ANKS1B: variants seen among roughly 807,000 people sequenced by gnomAD.
ANKS1B encodes ankyrin repeat and sterile alpha motif domain-containing protein 1B.
ANKS1B carries 36 observed loss-of-function variants against 148.3 expected under a neutral mutation model. The observed-to-expected ratio is 0.24, with a 90% CI of 0.19 to 0.32. The LOEUF (loss-of-function observed/expected upper bound fraction) is 0.32, where lower values mean the gene tolerates loss of function less well. ANKS1B is among the 10% of genes least tolerant of loss of function. The pLI, the probability that ANKS1B is intolerant of heterozygous loss-of-function variation, is 1.00. For missense variants in ANKS1B, 1,157 were observed against 1,542.6 expected (o/e 0.75, Z 4.19); for synonymous variants, 542 against 560.8 (o/e 0.97, Z 0.47).
chr12:99,925,425 A>G (rs547008445), intron 1 of ANKS1B, among the ~76,000 whole-genome samples: 3 of 152,342 alleles, frequency 2.0e-5, no homozygotes, highest in Admixed American at 2.0e-4. Flanking sequence ...TCCGGGAAGA[A>G]TAAAAAAGTC....
At chr12:99,467,493 CA>C (rs1462546704) in intron 10 of ANKS1B, among the ~76,000 whole-genome samples, 1 of 152,206 alleles carries the variant, frequency 6.6e-6, no homozygotes, top group Non-Finnish European at 1.5e-5. Context: ...AAGAGGAAGT[CA>C]AATTGTCCCT....
In ANKS1B at chr12:99,137,546, A is replaced by T. The variant is rs376662104; in HGVS notation, c.2526+16743T>A. ...TAAACAAACCTATCCATTCTCAGTT[A>T]CACAGAGAGGGCTGTGGAGATCTGA... On this transcript the variant is annotated intron_variant, in intron 15 of 26. Transcript: ENST00000683438. 9.2e-5 allele frequency among the ~76,000 whole-genome samples: 14 copies of T among 152,330 alleles called. No homozygotes were observed. In the South Asian group the frequency reaches 2.7e-3, roughly 29 times the overall value.
At chr12:99,338,415 T>G (rs561478576) in intron 12 of ANKS1B, among the ~76,000 whole-genome samples, 1 of 152,256 alleles carries the variant, frequency 6.6e-6, no homozygotes, top group African/African-American at 2.4e-5. Flanking sequence ...GTCTCTCCTT[T>G]CAGGGCAGTG....
At chr12:98,963,505 A>T (rs1168547014) in intron 17 of ANKS1B, among the ~76,000 whole-genome samples, 2 of 152,160 alleles carry the variant, frequency 1.3e-5, no homozygotes, top group Non-Finnish European at 2.9e-5. Flanking sequence ...AAAAAGATAA[A>T]CAAAATTTTT....
chr12:98,838,168 T>G (rs2099385981), intron 17 of ANKS1B, among the ~76,000 whole-genome samples: 1 of 152,232 alleles, frequency 6.6e-6, no homozygotes, highest in South Asian at 2.1e-4. Flanking sequence ...CACTAAACAT[T>G]TCCCCTATCA....
intron 1 of ANKS1B, among the ~76,000 whole-genome samples, chr12:99,864,345 GC>G (rs2090453393): frequency 1.3e-5 from 2 of 151,952 alleles, no homozygotes; most frequent in South Asian, 4.1e-4. Context: ...AAATCTTTTA[GC>G]CATGAAAATC....
At chr12:99,632,754 TA>T (rs1183242054) in intron 9 of ANKS1B, among the ~76,000 whole-genome samples, 1,366 of 110,770 alleles carry the variant, frequency 0.012, 109 homozygotes, top group African/African-American at 0.019. Context: ...TATATATATA[TA>T]TATATATATA....
chr12:99,875,062 C>A (rs905948136), intron 1 of ANKS1B, among the ~76,000 whole-genome samples: 1 of 152,022 alleles, frequency 6.6e-6, no homozygotes, highest in African/African-American at 2.4e-5. Flanking sequence ...GGGAGAGAGG[C>A]AGATGGAAGA....
chr12:99,757,783 C>G (rs950984391), intron 8 of ANKS1B, among the ~76,000 whole-genome samples: 2 of 151,980 alleles, frequency 1.3e-5, no homozygotes, highest in Admixed American at 6.6e-5. Flanking sequence ...AGATCATGCC[C>G]TTTCCAGGAA....
At chr12:99,963,940 C>T (rs1253243649) in intron 1 of ANKS1B, among the ~76,000 whole-genome samples, 2 of 152,178 alleles carry the variant, frequency 1.3e-5, no homozygotes. Flanking sequence ...CAGTGAATGA[C>T]AGTTAATATC....
chr12:99,100,605 T>A (rs181470942), intron 15 of ANKS1B, among the ~76,000 whole-genome samples: 1 of 152,142 alleles, frequency 6.6e-6, no homozygotes. Flanking sequence ...TCTTGGCTCA[T>A]TGCAACCTCC....
Position 99,900,245 on chromosome 12 carries a change from C to T in ANKS1B, c.135-74856G>A, listed in dbSNP as rs183450984. On this transcript the variant is annotated intron_variant, in intron 1 of 26. Transcript: ENST00000683438. ...CTATATGGCCATGTGCTGTGGCTCA[C>T]GCCTGTAATCCCAGCACTTTGGGAG... 1.9e-4 allele frequency among the ~76,000 whole-genome samples: 29 copies of T among 151,428 alleles called. 1 individual carries two copies. Among genetic ancestry groups the T allele is most frequent in the Middle Eastern group, 6.8e-3 (2 of 292 alleles).
chr12:99,372,651 C>T (rs2093201256), intron 12 of ANKS1B, among the ~76,000 whole-genome samples: 1 of 152,122 alleles, frequency 6.6e-6, no homozygotes. Context: ...TCTTTCCCCA[C>T]TTCCTCCCCT....
At chr12:98,976,202 C>A (rs116553213) in intron 17 of ANKS1B, among the ~76,000 whole-genome samples, 197 of 152,202 alleles carry the variant, frequency 1.3e-3, no homozygotes, top group African/African-American at 4.5e-3. Flanking sequence ...AGCTGAGGAA[C>A]TAATTCCTAA....
intron 1 of ANKS1B, among the ~76,000 whole-genome samples, chr12:99,980,067 A>C (rs2095676914): frequency 6.6e-6 from 1 of 152,008 alleles, no homozygotes; most frequent in Admixed American, 6.6e-5. Flanking sequence ...ACAACATAAA[A>C]CAAATCAGAT....
intron 1 of ANKS1B, among the ~76,000 whole-genome samples, chr12:99,964,617 C>G (rs536802995): frequency 6.6e-6 from 1 of 152,170 alleles, no homozygotes. Context: ...AGAACCCACA[C>G]AGGGTGAAGA....
At position 99,294,417 on chromosome 12, in the gene ANKS1B, C is replaced by A. The variant is rs375627043; in HGVS notation, c.1757-47553G>T. 1.1e-4 allele frequency among the ~76,000 whole-genome samples: 17 copies of A among 152,112 alleles called. No individual in the cohort carries two copies. In the East Asian group the frequency reaches 3.1e-3, roughly 28 times the overall value. ...AGGACATCATGTTAAGTGAAATAAG[C>A]CAGGTACAGAAAGATTAACTTCACA... is the stretch of plus-strand genomic sequence containing the variant. On this transcript the variant is annotated intron_variant, in intron 12 of 26. Transcript: ENST00000683438.
chr12:99,423,619 T>C (rs969605448), intron 11 of ANKS1B, among the ~76,000 whole-genome samples: 1 of 152,016 alleles, frequency 6.6e-6, no homozygotes, highest in Non-Finnish European at 1.5e-5. Context: ...ATTTAAAAAG[T>C]GTGGTACATA....
chr12:99,308,658 T>G (rs1402707331), intron 12 of ANKS1B, among the ~76,000 whole-genome samples: 1 of 151,876 alleles, frequency 6.6e-6, no homozygotes, highest in African/African-American at 2.4e-5. Context: ...CAAAAAAAAC[T>G]TTGTTGAAAT....
Sources: gnomAD v4.1 joint callset for allele counts (sites outside exome capture counted in the v4.1 genomes callset) on GRCh38, gnomAD v4.1.1 for gene constraint, MANE v1.5 for transcripts, NCBI Gene and HGNC (gene_info 2026-07-23, HGNC 2026-07-21) for gene names.